The following PIP5K1B variants were observed in gnomAD, a reference collection of about 807,000 sequenced individuals.
PIP5K1B encodes the protein phosphatidylinositol 4-phosphate 5-kinase type-1 beta.
Under a neutral mutation model 67.0 loss-of-function variants are expected in PIP5K1B, and 42 were observed. That is an observed-to-expected ratio of 0.63 (90% CI 0.49 to 0.81). The LOEUF is 0.81. PIP5K1B is among the 30% of genes least tolerant of loss of function. PIP5K1B has a pLI of 0.00. For missense variants in PIP5K1B, 459 were observed against 646.3 expected, an observed-to-expected ratio of 0.71 and a Z score of 3.14; for synonymous variants, 214 against 231.4, an observed-to-expected ratio of 0.92 and a Z score of 0.68.
chr9:68,792,465 GTTGTTTGT>G (rs202162149), intron 2 of PIP5K1B, among the ~76,000 whole-genome samples: 107 of 110,972 alleles, frequency 9.6e-4, no homozygotes, highest in East Asian at 1.5e-3. Context: ...TTTTTTTGTT[GTTGTTTGT>G]TTGTTTGTTT....
intron 2 of PIP5K1B, among the ~76,000 whole-genome samples, chr9:68,765,110 A>G (rs1830367836): frequency 6.6e-6 from 1 of 152,074 alleles, no homozygotes. Flanking sequence ...TTTTTAAAAA[A>G]GTGAGTGTTT....
At chr9:68,832,861 GT>G (rs1276270098) in intron 4 of PIP5K1B, among the ~76,000 whole-genome samples, 1 of 152,206 alleles carries the variant, frequency 6.6e-6, no homozygotes, top group African/African-American at 2.4e-5. Flanking sequence ...ATCAGGAATC[GT>G]TTGGTTATTG....
At chr9:68,771,632 CA>C (rs1830674855) in intron 2 of PIP5K1B, among the ~76,000 whole-genome samples, 1 of 152,128 alleles carries the variant, frequency 6.6e-6, no homozygotes, top group Admixed American at 6.5e-5. Flanking sequence ...TTAATATACA[CA>C]AAATACTTAG....
At chr9:68,861,915 A>G (rs958301022) in intron 4 of PIP5K1B, among the ~76,000 whole-genome samples, 7 of 143,528 alleles carry the variant, frequency 4.9e-5, no homozygotes, top group South Asian at 2.2e-4. Flanking sequence ...TTTTTTTTTT[A>G]AGAAACACTG....
intron 12 of PIP5K1B, among the ~76,000 whole-genome samples, chr9:68,930,388 C>T (rs1486545772): frequency 1.3e-5 from 2 of 152,104 alleles, no homozygotes; most frequent in Non-Finnish European, 2.9e-5. Flanking sequence ...CCTGGGTCCA[C>T]GTCTTATGGA....
chr9:68,748,475 G>A (rs971495282), intron 2 of PIP5K1B, among the ~76,000 whole-genome samples: 2 of 152,148 alleles, frequency 1.3e-5, no homozygotes, highest in African/African-American at 4.8e-5. Context: ...AAAGATTACA[G>A]GTGATTGTAT....
intron 14 of PIP5K1B, among the ~76,000 whole-genome samples, chr9:68,958,891 A>G (rs979047324): frequency 3.9e-5 from 6 of 152,232 alleles, no homozygotes; most frequent in African/African-American, 1.4e-4. Context: ...TGCAAATATT[A>G]TATCAGAAAT....
intron 8 of PIP5K1B, among the ~76,000 whole-genome samples, chr9:68,906,871 T>G (rs971101143): frequency 6.6e-6 from 1 of 152,204 alleles, no homozygotes; most frequent in Non-Finnish European, 1.5e-5. Flanking sequence ...GACACAGAGA[T>G]TCTCCATCCT....
intron 14 of PIP5K1B, among the ~76,000 whole-genome samples, chr9:68,968,697 T>TTATATATA (rs1308915569): frequency 1.5e-3 from 229 of 147,972 alleles, no homozygotes; most frequent in African/African-American, 5.4e-3. Context: ...GGATCCTTGT[T>TTATATATA]TATATATATA....
At chr9:68,806,719 A>C (rs962979061) in intron 2 of PIP5K1B, among the ~76,000 whole-genome samples, 1 of 151,948 alleles carries the variant, frequency 6.6e-6, no homozygotes, top group Non-Finnish European at 1.5e-5. Flanking sequence ...TCTCTCATCC[A>C]TGACTTAAGA....
At chr9:68,836,297 CT>C (rs1834604773) in intron 4 of PIP5K1B, among the ~76,000 whole-genome samples, 1 of 152,076 alleles carries the variant, frequency 6.6e-6, no homozygotes, top group Non-Finnish European at 1.5e-5. Context: ...ACCCAGTGTT[CT>C]TTGGAATATT....
chr9:68,959,098 C>CTA (rs1372729504), intron 14 of PIP5K1B, among the ~76,000 whole-genome samples: 1 of 152,068 alleles, frequency 6.6e-6, no homozygotes, highest in Non-Finnish European at 1.5e-5. Context: ...AAGTTCCAGT[C>CTA]TATAATGAGG....
At chr9:68,745,657 A>C (rs1829258938) in intron 2 of PIP5K1B, among the ~76,000 whole-genome samples, 2 of 152,080 alleles carry the variant, frequency 1.3e-5, no homozygotes. Context: ...CTCCACCTGA[A>C]TCTTCCATCC....
intron 2 of PIP5K1B, among the ~76,000 whole-genome samples, chr9:68,773,262 C>T (rs1476708809): frequency 6.6e-6 from 1 of 152,172 alleles, no homozygotes; most frequent in Non-Finnish European, 1.5e-5. Flanking sequence ...TGGATTAATC[C>T]TTCAAGGGAA....
At position 68,917,708 on chromosome 9, in the gene PIP5K1B, TCCAGGGTCC is replaced by T; in HGVS notation, c.933_941del (p.Gln312_Pro314del). Reference sequence around the variant, plus strand: ...CTCTACTCAACAGCCATGGAATCTATCCAGGGTCCAGGGAAATCTGGAGATGGGATAATC... The same window carrying T: ...CTCTACTCAACAGCCATGGAATCTATAGGGAAATCTGGAGATGGGATAATC... On this transcript the variant is annotated inframe_deletion, in exon 9 of 16. Transcript: ENST00000265382. The T allele has an allele frequency of 1.2e-6, 2 of 1,614,124 alleles. No homozygotes were observed. The highest frequency in any genetic ancestry group is 1.7e-6 in the Non-Finnish European group (2 of 1,179,990).
intron 14 of PIP5K1B, among the ~76,000 whole-genome samples, chr9:68,960,668 T>A (rs1828674308): frequency 6.6e-6 from 1 of 152,192 alleles, no homozygotes. Flanking sequence ...ACTGTTACGT[T>A]TTTACTTTCC....
At chr9:68,849,710 T>C (rs1280118111) in intron 4 of PIP5K1B, among the ~76,000 whole-genome samples, 1 of 152,124 alleles carries the variant, frequency 6.6e-6, no homozygotes, top group Non-Finnish European at 1.5e-5. Context: ...TATTTTTCAG[T>C]GTGTAGAGAA....
At chr9:68,733,353 G>A (rs1022708956) in intron 1 of PIP5K1B, among the ~76,000 whole-genome samples, 9 of 152,102 alleles carry the variant, frequency 5.9e-5, no homozygotes, top group East Asian at 1.9e-4. Context: ...TGCATATTTC[G>A]TTTTTCTCTG....
At chr9:68,717,745 A>T (rs1436455957) in intron 1 of PIP5K1B, among the ~76,000 whole-genome samples, 1 of 152,200 alleles carries the variant, frequency 6.6e-6, no homozygotes, top group African/African-American at 2.4e-5. Flanking sequence ...AGTACCTTGG[A>T]TAGTCCTTTG....
Sources: allele counts gnomAD v4.1 joint callset (sites outside exome capture counted in the v4.1 genomes callset), GRCh38; gene constraint gnomAD v4.1.1; transcripts MANE v1.5; gene names NCBI Gene and HGNC (gene_info 2026-07-23, HGNC 2026-07-21).